Variants in AK9 observed in about 807,000 individuals in gnomAD.
AK9 encodes the protein adenylate kinase domain containing 1.
AK9 carries 191 observed loss-of-function variants against 239.6 expected under a neutral mutation model. That is an observed-to-expected ratio of 0.80 (90% CI 0.71 to 0.90). AK9 has a LOEUF of 0.90. Among genes scored for constraint, AK9 ranks in the 40% least tolerant of loss-of-function variants. The probability of loss-of-function intolerance (pLI) is 0.00; values close to 1 mark genes in which losing one functional copy is unlikely to be tolerated. For synonymous variants in AK9, 689 were observed against 721.0 expected (o/e 0.96, Z 0.71); for missense variants, 1,995 against 2,214.7 (o/e 0.90, Z 1.99).
chr6:109,675,763 T>A lies in AK9; in HGVS notation c.-11-7A>T. On this transcript the variant is annotated splice_region_variant and splice_polypyrimidine_tract_variant and intron_variant, in intron 1 of 40. Coordinates refer to ENST00000424296, the MANE Select transcript of AK9 (RefSeq NM_001145128.3). ...GAAGTCATGACACAAAATACTACAA[T>A]AAAAAAGGGTAAGATTGTTAACTTG... 6.8e-7 allele frequency: 1 copy of A among 1,460,346 alleles called. No homozygotes were observed. The highest frequency in any genetic ancestry group is 2.1e-5 in the Admixed American group (1 of 48,556). The allele number at this position is 1,460,346 out of a possible 1,614,324, so 90.5% of individuals were successfully genotyped here.
chr6:109,670,980 C>A, intron 5 of AK9, among the ~76,000 whole-genome samples: 1 of 151,892 alleles, frequency 6.6e-6, no homozygotes, highest in East Asian at 1.9e-4. Context: ...TATATAAAAA[C>A]CCATATATCC....
At chr6:109,612,819 T>C (rs1033822168) in intron 15 of AK9, among the ~76,000 whole-genome samples, 4 of 151,748 alleles carry the variant, frequency 2.6e-5, no homozygotes, top group East Asian at 1.9e-4. Context: ...AAATAAATGA[T>C]AGATGCACTT....
Position 109,684,946 on chromosome 6 carries a change from A to G in AK9, c.-12+6201T>C, listed in dbSNP as rs567974975. 3.3e-5 allele frequency among the ~76,000 whole-genome samples: 5 copies of G among 150,738 alleles called. No individual in the cohort carries two copies. In the South Asian group the frequency reaches 1.0e-3, roughly 32 times the overall value. On this transcript the variant is annotated intron_variant, in intron 1 of 40. Transcript: ENST00000424296. The stretch of plus-strand genomic sequence containing the variant: ...AGGATATGAACAGACACTTCTCAAA[A>G]GAAGACATTTATGCAGCCAACAGAC...
At chr6:109,591,588 C>T (rs974011209) in intron 17 of AK9, among the ~76,000 whole-genome samples, 29 of 151,976 alleles carry the variant, frequency 1.9e-4, no homozygotes, top group East Asian at 1.9e-4. Context: ...TTTACAGTCT[C>T]GATTGTGTAA....
In AK9 at chr6:109,497,378, TCTCTCTCA is replaced by T. The variant is rs769368774; in HGVS notation, c.5315+79_5315+86del. Reference sequence around the variant, plus strand: ...CACACACACACTCTCTCTCTCTCTCTCTCTCTCACACACTCCTCTCCCCCGTTCCCAGC... The same window carrying T: ...CACACACACACTCTCTCTCTCTCTCTCACACTCCTCTCCCCCGTTCCCAGC... On this transcript the variant is annotated intron_variant, in intron 38 of 40. Coordinates refer to ENST00000424296, the MANE Select transcript of AK9 (RefSeq NM_001145128.3). 6.6e-4 allele frequency: 507 copies of T among 773,642 alleles called. 22 individuals carry two copies. The highest frequency in any genetic ancestry group is 1.8e-3 in the Middle Eastern group (8 of 4,334). The allele number at this position is 773,642 out of a possible 1,614,324, so 47.9% of individuals were successfully genotyped here.
chr6:109,499,624 GA>G (rs1286509503), intron 35 of AK9, among the ~76,000 whole-genome samples: 5 of 151,184 alleles, frequency 3.3e-5, no homozygotes, highest in African/African-American at 1.2e-4. Context: ...TTTTGAGATG[GA>G]GTCTCGCTCT....
chr6:109,533,194 A>T, intron 28 of AK9, 57 bp downstream of exon 28: 1 of 1,354,016 alleles, frequency 7.4e-7, no homozygotes, highest in Non-Finnish European at 1.0e-6. Context: ...ACTTTATAAT[A>T]GATCACTAAA....
chr6:109,509,170 T>C lies in AK9; in HGVS notation c.4481+9A>G. 1 of 1,551,240 alleles carries C rather than the reference T, an allele frequency of 6.4e-7. No homozygotes were observed. Among genetic ancestry groups the C allele is most frequent in the Non-Finnish European group, 8.7e-7 (1 of 1,146,410 alleles). Reference sequence around the variant, plus strand: ...CCCTCTGTCCCATCCTCTCACCCCATTCACTTACCCTGCAGTATTGCACAC... The same window carrying C: ...CCCTCTGTCCCATCCTCTCACCCCACTCACTTACCCTGCAGTATTGCACAC... On this transcript the variant is annotated intron_variant, in intron 33 of 40. Transcript: ENST00000424296.
intron 17 of AK9, among the ~76,000 whole-genome samples, chr6:109,592,634 GACGGGGTTTC>G (rs1357786252): frequency 1.3e-5 from 2 of 151,968 alleles, no homozygotes; most frequent in Non-Finnish European, 2.9e-5. Context: ...TTTTAGTAGA[GACGGGGTTTC>G]ACCATGTTAG....
chr6:109,677,621 A>G (rs1264284805), intron 1 of AK9, among the ~76,000 whole-genome samples: 2 of 152,158 alleles, frequency 1.3e-5, no homozygotes, highest in Non-Finnish European at 2.9e-5. Context: ...GAGGCATTTA[A>G]AATTGGTGAA....
At position 109,564,223 on chromosome 6, in the gene AK9, A is replaced by G. The variant is rs1786171584; in HGVS notation, c.2492T>C (p.Phe831Ser). ...GATGAAAGAACCAATCTTCTCTTTA[A>G]ATGGCTCCATTTCGGGAACATCAGG... The part of the protein sequence containing the change: ...SYPDVPEMEP[F>S]KEKIGSFIIL... The change falls in exon 23 of 41, where the codon TTT (phenylalanine) becomes TCT (serine). Residue 831 changes from phenylalanine (F) to serine (S), a missense_variant. Coordinates refer to ENST00000424296, the MANE Select transcript of AK9 (RefSeq NM_001145128.3). 6.4e-7 allele frequency: 1 copy of G among 1,551,324 alleles called. No homozygotes were observed. Among genetic ancestry groups the G allele is most frequent in the Non-Finnish European group, 8.7e-7 (1 of 1,146,886 alleles).
intron 35 of AK9, among the ~76,000 whole-genome samples, chr6:109,505,925 T>G (rs894007562): frequency 2.6e-5 from 4 of 152,142 alleles, no homozygotes; most frequent in African/African-American, 9.7e-5. Context: ...GCAAATCTGG[T>G]ATCTGGAGAG....
intron 35 of AK9, among the ~76,000 whole-genome samples, 161 bp downstream of exon 35, chr6:109,506,166 T>G (rs772288935): frequency 3.4e-4 from 51 of 152,072 alleles, no homozygotes; most frequent in Non-Finnish European, 6.6e-4. Context: ...ATCACAATAA[T>G]TGGATAATAC....
intron 28 of AK9, among the ~76,000 whole-genome samples, chr6:109,532,911 C>G (rs1781474534): frequency 6.6e-6 from 1 of 152,036 alleles, no homozygotes; most frequent in African/African-American, 2.4e-5. Flanking sequence ...TGTCATCGCT[C>G]CAGGGGCAGC....
In AK9 at chr6:109,509,275, A is replaced by C; in HGVS notation, c.4385T>G (p.Leu1462Ter). ...CATTCCTTTATGAAGATGCCAATTTAACATAAGTGCCAGCTCTGTTTCCGG... is the reference window on the plus strand; with the variant it reads ...CATTCCTTTATGAAGATGCCAATTTCACATAAGTGCCAGCTCTGTTTCCGG... ...NHPETELALM[L>*]NWHLHKGMTA... The change falls in exon 33 of 41, where the codon TTA (leucine) becomes TGA (stop). Residue 1462 changes from leucine (L) to a stop codon, truncating the protein, a stop_gained. Transcript: ENST00000424296. LOFTEE classifies it high-confidence loss of function. 6.4e-7 allele frequency: 1 copy of C among 1,551,976 alleles called. No individual in the cohort carries two copies. Among genetic ancestry groups the C allele is most frequent in the Non-Finnish European group, 8.7e-7 (1 of 1,147,042 alleles).
chr6:109,596,770 A>G (rs1791088297), intron 17 of AK9, among the ~76,000 whole-genome samples: 3 of 152,186 alleles, frequency 2.0e-5, no homozygotes, highest in Non-Finnish European at 4.4e-5. Flanking sequence ...GGTTGATTCC[A>G]TATCATTGCT....
In AK9 at chr6:109,628,379, T is replaced by C. The variant is rs531206301; in HGVS notation, c.1254+4544A>G. ...GCTCTGCTTCACAGTGCAGGCTGCT[T>C]CAGAACTGAGCTCAGTCTCCTCAGC... On this transcript the variant is annotated intron_variant, in intron 12 of 40. Transcript: ENST00000424296. Among the ~76,000 whole-genome samples, 4 of 152,290 alleles carry C rather than the reference T, an allele frequency of 2.6e-5. No homozygotes were observed. In the East Asian group the frequency reaches 7.7e-4, roughly 29 times the overall value.
chr6:109,564,026 C>T lies in AK9; in HGVS notation c.2635+54G>A, dbSNP rs1055412968. ...AAGAAGGCTTTCAAGTTTCAAAATG[C>T]TTCTAATACTATCACCTGCTGTTGA... On this transcript the variant is annotated intron_variant, in intron 23 of 40. Transcript: ENST00000424296. 1.1e-5 allele frequency: 16 copies of T among 1,467,070 alleles called. No homozygotes were observed. In the African/African-American group the frequency reaches 2.0e-4, roughly 18 times the overall value. The allele number at this position is 1,467,070 out of a possible 1,614,324, so 90.9% of individuals were successfully genotyped here.
At chr6:109,619,260 C>A (rs1342557727) in intron 12 of AK9, 24 bp from the exon 13 acceptor site, 2 of 1,534,712 alleles carry the variant, frequency 1.3e-6, no homozygotes, top group Admixed American at 2.1e-5. Context: ...TTGAGAAAAT[C>A]GACATAAGCA....
Sources: allele counts gnomAD v4.1 joint callset (sites outside exome capture counted in the v4.1 genomes callset), GRCh38; gene constraint gnomAD v4.1.1; transcripts MANE v1.5; gene names NCBI Gene and HGNC (gene_info 2026-07-23, HGNC 2026-07-21).